Variants in DACH2 observed in about 807,000 individuals in gnomAD.
The protein encoded by DACH2 is dachshund homolog 2.
Under a neutral mutation model 35.8 loss-of-function variants are expected in DACH2, and 17 were observed. The observed-to-expected ratio is 0.48, with a 90% CI of 0.33 to 0.71. The LOEUF (loss-of-function observed/expected upper bound fraction) is 0.71. DACH2 is among the 30% of genes least tolerant of loss of function. The pLI, the probability that DACH2 is intolerant of heterozygous loss-of-function variation, is 0.02. For missense variants in DACH2, 469 were observed against 472.7 expected, an observed-to-expected ratio of 0.99 and a Z score of 0.07; for synonymous variants, 195 against 177.3, an observed-to-expected ratio of 1.10 and a Z score of -0.79.
intron 1 of DACH2, among the ~76,000 whole-genome samples, chrX:86,199,743 G>T (rs1376789145): frequency 9.0e-6 from 1 of 111,472 alleles, no homozygotes; most frequent in Non-Finnish European, 1.9e-5. Flanking sequence ...AATCAGAAAG[G>T]TGAAAGATCT....
chrX:86,262,561 TCAAA>T (rs985495219), intron 1 of DACH2, among the ~76,000 whole-genome samples: 5 of 110,626 alleles, frequency 4.5e-5, no homozygotes, highest in African/African-American at 1.7e-4. Context: ...GGAGCAGGTG[TCAAA>T]CAATATTTAA....
At chrX:86,719,933 TTTTTTTTTTC>T (rs1306826683) in intron 6 of DACH2, among the ~76,000 whole-genome samples, 1 of 9,748 alleles carries the variant, frequency 1.0e-4, no homozygotes, top group African/African-American at 3.6e-4. Context: ...TTCTTTTTTC[TTTTTTTTTTC>T]TTTTTTTTTT....
chrX:86,491,820 A>T (rs757200223), intron 2 of DACH2, among the ~76,000 whole-genome samples: 3 of 111,579 alleles, frequency 2.7e-5, no homozygotes, highest in Non-Finnish European at 5.7e-5. Context: ...GTGACCTTTA[A>T]CTGACAACTC....
intron 1 of DACH2, among the ~76,000 whole-genome samples, chrX:86,299,675 T>C (rs1014867471): frequency 1.8e-5 from 2 of 111,689 alleles, no homozygotes; most frequent in African/African-American, 6.5e-5. Flanking sequence ...GTTTATTTCA[T>C]AACTTGAAAA....
chrX:86,680,568 T>C (rs2040869099), intron 4 of DACH2, among the ~76,000 whole-genome samples: 1 of 111,124 alleles, frequency 9.0e-6, no homozygotes, highest in Non-Finnish European at 1.9e-5. Flanking sequence ...TTAACTATAC[T>C]CATCATTGTT....
intron 2 of DACH2, among the ~76,000 whole-genome samples, chrX:86,507,734 G>A (rs1043147298): frequency 8.9e-6 from 1 of 111,835 alleles, no homozygotes; most frequent in African/African-American, 3.3e-5. Context: ...TTTGTATGCA[G>A]TCAGAAATAT....
chrX:86,832,282 A>G lies in DACH2; in HGVS notation c.*127A>G. 1 of 541,747 alleles carries G rather than the reference A, an allele frequency of 1.8e-6. No individual in the cohort carries two copies. The highest frequency in any genetic ancestry group is 3.0e-6 in the Non-Finnish European group (1 of 331,308). The allele number at this position is 541,747 out of a possible 1,213,427, so 44.6% of individuals were successfully genotyped here. On this transcript the variant is annotated 3_prime_UTR_variant, in exon 12 of 12. Transcript: ENST00000373125. ...CTTTGTTTACTGAAGGAGCTATTTA[A>G]TCTATGTTACATTAAAAAAGAAACG...
chrX:86,726,478 G>A (rs1940827577), intron 6 of DACH2, among the ~76,000 whole-genome samples: 1 of 111,032 alleles, frequency 9.0e-6, no homozygotes, highest in African/African-American at 3.3e-5. Context: ...AAGCAGGGTG[G>A]CGGAGATTGT....
At chrX:86,522,240 C>G (rs1390329757) in intron 3 of DACH2, among the ~76,000 whole-genome samples, 3 of 111,243 alleles carry the variant, frequency 2.7e-5, no homozygotes, top group African/African-American at 9.8e-5. Flanking sequence ...AATGTATGAA[C>G]AATAAGTGTG....
chrX:86,636,373 G>T (rs536593390), intron 3 of DACH2, among the ~76,000 whole-genome samples: 1 of 109,533 alleles, frequency 9.1e-6, no homozygotes, highest in South Asian at 3.9e-4. Flanking sequence ...ACTTGAACGC[G>T]GGAGGCAGAG....
chrX:86,451,036 T>G (rs1165530287), intron 2 of DACH2, among the ~76,000 whole-genome samples: 1 of 112,027 alleles, frequency 8.9e-6, no homozygotes, highest in Non-Finnish European at 1.9e-5. Context: ...TCACTCATGA[T>G]AGTTTCTCTT....
intron 3 of DACH2, among the ~76,000 whole-genome samples, chrX:86,568,674 A>G (rs2039323862): frequency 9.0e-6 from 1 of 111,157 alleles, no homozygotes; most frequent in African/African-American, 3.3e-5. Context: ...TCAAGTTGTG[A>G]AGGAAATTCT....
chrX:86,633,483 A>C (rs2040226784), intron 3 of DACH2, among the ~76,000 whole-genome samples: 2 of 111,740 alleles, frequency 1.8e-5, no homozygotes, highest in Admixed American at 1.9e-4. Context: ...ACACACAAAA[A>C]AATCCTGGGA....
At chrX:86,313,757 T>C (rs955628633) in intron 1 of DACH2, among the ~76,000 whole-genome samples, 5 of 112,081 alleles carry the variant, frequency 4.5e-5, no homozygotes, top group Admixed American at 2.9e-4. Flanking sequence ...ATTGATGGTA[T>C]GAAGACATAC....
chrX:86,775,969 C>T (rs992738410), intron 7 of DACH2, among the ~76,000 whole-genome samples: 1 of 111,089 alleles, frequency 9.0e-6, no homozygotes, highest in South Asian at 3.8e-4. Flanking sequence ...AGGAATTTGC[C>T]CAAGGTCACT....
intron 1 of DACH2, among the ~76,000 whole-genome samples, chrX:86,157,332 T>G (rs1184318471): frequency 6.3e-5 from 7 of 111,840 alleles, no homozygotes; most frequent in Non-Finnish European, 1.1e-4. Context: ...TAACAGCATT[T>G]GGGCTACATT....
At chrX:86,413,667 G>C (rs958603091) in intron 2 of DACH2, among the ~76,000 whole-genome samples, 3 of 111,031 alleles carry the variant, frequency 2.7e-5, no homozygotes, top group African/African-American at 9.8e-5. Flanking sequence ...TATTTTTCTA[G>C]GTAGAGCAGC....
At chrX:86,637,241 A>AAAAAAAAAAAAAAAC (rs1569457456) in intron 3 of DACH2, among the ~76,000 whole-genome samples, 1 of 77,926 alleles carries the variant, frequency 1.3e-5, no homozygotes, top group Non-Finnish European at 2.4e-5. Flanking sequence ...AAAAAAAAAA[A>AAAAAAAAAAAAAAAC]AAAAACAGAT....
intron 2 of DACH2, among the ~76,000 whole-genome samples, chrX:86,396,046 C>T (rs1436018307): frequency 9.0e-6 from 1 of 111,131 alleles, no homozygotes; most frequent in Non-Finnish European, 1.9e-5. Flanking sequence ...CTCTCCAGCA[C>T]CTGTTGTTTC....
Sources: allele counts gnomAD v4.1 joint callset (sites outside exome capture counted in the v4.1 genomes callset), GRCh38; gene constraint gnomAD v4.1.1; transcripts MANE v1.5; gene names NCBI Gene and HGNC (gene_info 2026-07-23, HGNC 2026-07-21).